LRRIQ1: variants seen among roughly 807,000 people sequenced by gnomAD.
LRRIQ1 encodes leucine rich repeats and IQ motif containing 1.
Under a neutral mutation model 211.9 loss-of-function variants are expected in LRRIQ1, and 210 were observed. That is an observed-to-expected ratio of 0.99 (90% CI 0.89 to 1.11). The LOEUF is 1.11. Among genes scored for constraint, LRRIQ1 ranks in the 50% most tolerant of loss-of-function variants. The pLI is 0.00. For synonymous variants in LRRIQ1, 699 were observed against 650.1 expected, an observed-to-expected ratio of 1.08 and a Z score of -1.14; for missense variants, 2,136 against 1,939.5, an observed-to-expected ratio of 1.10 and a Z score of -1.90.
chr12:85,161,739 C>T (rs1344716298), intron 24 of LRRIQ1, among the ~76,000 whole-genome samples: 1 of 152,096 alleles, frequency 6.6e-6, no homozygotes, highest in African/African-American at 2.4e-5. Context: ...CTAGAATTTT[C>T]CGTAAAGTAG....
At chr12:85,219,151 T>C (rs1418260325) in intron 24 of LRRIQ1, among the ~76,000 whole-genome samples, 1 of 152,106 alleles carries the variant, frequency 6.6e-6, no homozygotes, top group Non-Finnish European at 1.5e-5. Flanking sequence ...TCCTGAGTTA[T>C]GTGATTCTCT....
At chr12:85,250,230 A>G (rs771876006) in intron 1 of LRRIQ1, among the ~76,000 whole-genome samples, 1 of 151,900 alleles carries the variant, frequency 6.6e-6, no homozygotes, top group Non-Finnish European at 1.5e-5. Context: ...CCGACAAAGA[A>G]GCAGGGTAGA....
intron 15 of LRRIQ1, among the ~76,000 whole-genome samples, chr12:85,116,064 G>A (rs1386490101): frequency 6.6e-6 from 1 of 152,182 alleles, no homozygotes; most frequent in Non-Finnish European, 1.5e-5. Flanking sequence ...GTTAACCGGT[G>A]AACAAATTAT....
intron 13 of LRRIQ1, among the ~76,000 whole-genome samples, chr12:85,099,588 C>T (rs902522171): frequency 6.6e-6 from 1 of 151,798 alleles, no homozygotes; most frequent in Non-Finnish European, 1.5e-5. Flanking sequence ...AGCAGGAGCA[C>T]AATATGTGTA....
chr12:85,099,882 G>A lies in LRRIQ1; in HGVS notation c.3209+888G>A, dbSNP rs139017402. On this transcript the variant is annotated intron_variant, in intron 13 of 26. Transcript: ENST00000393217. ...ACTTAACTTCCACCTATTACAATTTGACATTGAAAAACAAATATGTATTCA... is the reference window on the plus strand; with the variant it reads ...ACTTAACTTCCACCTATTACAATTTAACATTGAAAAACAAATATGTATTCA... Among the ~76,000 whole-genome samples, 5 of 151,670 alleles carry A rather than the reference G, an allele frequency of 3.3e-5. No homozygotes were observed. The East Asian group carries it at 9.7e-4, about 29-fold the overall frequency.
At chr12:85,173,421 T>A (rs1181306871) in intron 24 of LRRIQ1, among the ~76,000 whole-genome samples, 1 of 152,158 alleles carries the variant, frequency 6.6e-6, no homozygotes, top group Non-Finnish European at 1.5e-5. Flanking sequence ...TCTGGGTGCC[T>A]TAGAGAACAG....
intron 11 of LRRIQ1, among the ~76,000 whole-genome samples, chr12:85,077,529 A>T (rs1883793505): frequency 6.6e-6 from 1 of 152,134 alleles, no homozygotes; most frequent in South Asian, 2.1e-4. Context: ...GAAATATTGG[A>T]TATTTTATCT....
chr12:85,152,937 A>G lies in LRRIQ1; in HGVS notation c.4420-87A>G, dbSNP rs551987449. ...TATAATGAGTTTCCCTTAGGAGGCT[A>G]TTTGGTAATATGCATGTAAAATAAT... On this transcript the variant is annotated intron_variant, in intron 20 of 26. Coordinates refer to ENST00000393217, the MANE Select transcript of LRRIQ1 (RefSeq NM_001079910.2). 3.3e-4 allele frequency: 281 copies of G among 846,138 alleles called. No individual in the cohort carries two copies. In the African/African-American group the frequency reaches 3.7e-3, roughly 11 times the overall value. The allele number at this position is 846,138 out of a possible 1,614,324, so 52.4% of individuals were successfully genotyped here.
chr12:85,191,453 TA>T (rs1747093067), intron 24 of LRRIQ1, among the ~76,000 whole-genome samples: 1 of 152,040 alleles, frequency 6.6e-6, no homozygotes, highest in African/African-American at 2.4e-5. Context: ...TTTCACTTAG[TA>T]ACATGCTTTT....
chr12:85,096,914 C>T (rs1262558448), intron 11 of LRRIQ1, among the ~76,000 whole-genome samples: 1 of 152,022 alleles, frequency 6.6e-6, no homozygotes, highest in Non-Finnish European at 1.5e-5. Context: ...TATGCAATGC[C>T]CTTCTTTGTC....
intron 24 of LRRIQ1, among the ~76,000 whole-genome samples, chr12:85,222,923 T>C (rs1340683486): frequency 6.6e-6 from 1 of 152,074 alleles, no homozygotes; most frequent in Non-Finnish European, 1.5e-5. Context: ...ATGGTTGCAA[T>C]GGCGAAAGAA....
chr12:85,123,815 A>G (rs1010277399), intron 16 of LRRIQ1, among the ~76,000 whole-genome samples: 1 of 152,182 alleles, frequency 6.6e-6, no homozygotes, highest in Non-Finnish European at 1.5e-5. Context: ...AAAAATACCT[A>G]GAATAAAAAT....
In LRRIQ1 at chr12:85,125,050, G is replaced by A. The variant is rs569380148; in HGVS notation, c.4007+531G>A. Among the ~76,000 whole-genome samples the A allele has an allele frequency of 7.9e-5, 12 of 151,696 alleles. No homozygotes were observed. In the South Asian group the frequency reaches 2.5e-3, roughly 32 times the overall value. On this transcript the variant is annotated intron_variant, in intron 17 of 26. Coordinates refer to ENST00000393217, the MANE Select transcript of LRRIQ1 (RefSeq NM_001079910.2). ...AAAAATTAGCCGGGCGTTGTGGCGG[G>A]TGCCTGTAGTCCCAGCTACTTGGGA...
downstream of LRRIQ1, among the ~76,000 whole-genome samples, chr12:85,264,997 G>A (rs1037881117): frequency 6.6e-6 from 1 of 152,016 alleles, no homozygotes; most frequent in African/African-American, 2.4e-5. Context: ...TAGGTAGGGG[G>A]TGTTTGGAGA....
rs1340442836 is a variant in LRRIQ1 at position 85,044,519 on chromosome 12, CT to C, written c.245-195del. Among the ~76,000 whole-genome samples the C allele has an allele frequency of 2.6e-5, 4 of 151,912 alleles. No individual in the cohort carries two copies. The East Asian group carries it at 7.7e-4, about 29-fold the overall frequency. On this transcript the variant is annotated intron_variant, in intron 3 of 26. Coordinates refer to ENST00000393217, the MANE Select transcript of LRRIQ1 (RefSeq NM_001079910.2). Reference sequence around the variant, plus strand: ...GTCAAAGCACTTTAGAAATTTATTACTTTTATTTTTAGAATAAATATATCAG... The same window carrying C: ...GTCAAAGCACTTTAGAAATTTATTACTTTATTTTTAGAATAAATATATCAG...
At chr12:85,253,809 C>T (rs1322709241) in intron 1 of LRRIQ1, among the ~76,000 whole-genome samples, 1 of 152,006 alleles carries the variant, frequency 6.6e-6, no homozygotes, top group Non-Finnish European at 1.5e-5. Flanking sequence ...ATATACTAAT[C>T]ACTGATGCTT....
intron 11 of LRRIQ1, among the ~76,000 whole-genome samples, chr12:85,087,496 C>T (rs1181622619): frequency 6.6e-6 from 1 of 152,204 alleles, no homozygotes; most frequent in African/African-American, 2.4e-5. Context: ...ATTTCTAGTT[C>T]TAAATCCTTG....
chr12:85,048,534 G>A (rs11116691), intron 6 of LRRIQ1: 32,571 of 149,412 alleles, frequency 0.22, 4,228 homozygotes, highest in Admixed American at 0.31. Flanking sequence ...ACTCCAGCCT[G>A]GGCGACAGAG....
At chr12:85,222,886 C>T (rs1407879570) in intron 24 of LRRIQ1, among the ~76,000 whole-genome samples, 2 of 152,052 alleles carry the variant, frequency 1.3e-5, no homozygotes, top group African/African-American at 4.8e-5. Flanking sequence ...ACTGCTCACT[C>T]ACGTTCAGAA....
Sources: allele counts gnomAD v4.1 joint callset (sites outside exome capture counted in the v4.1 genomes callset), GRCh38; gene constraint gnomAD v4.1.1; transcripts MANE v1.5; gene names NCBI Gene and HGNC (gene_info 2026-07-23, HGNC 2026-07-21).